The following CRYZL1 variants were observed in gnomAD, a reference collection of about 807,000 sequenced individuals.
CRYZL1 encodes ferry endosomal RAB5 effector complex subunit 4.
A neutral mutation model predicts 50.6 loss-of-function variants in CRYZL1; 34 were observed. That is an observed-to-expected ratio of 0.67 (90% CI 0.51 to 0.89). The LOEUF (loss-of-function observed/expected upper bound fraction) is 0.89, where lower values mean the gene tolerates loss of function less well. Ranked by LOEUF, CRYZL1 falls within the 40% of genes least tolerant of loss-of-function variation. The probability of loss-of-function intolerance (pLI) is 0.00; values close to 1 mark genes in which losing one functional copy is unlikely to be tolerated. For synonymous variants in CRYZL1, 125 were observed against 134.3 expected, an observed-to-expected ratio of 0.93 and a Z score of 0.48; for missense variants, 354 against 402.3, an observed-to-expected ratio of 0.88 and a Z score of 1.03.
intron 6 of CRYZL1, 84 bp downstream of exon 6, chr21:33,613,454 A>T (rs1043057466): frequency 1.1e-6 from 1 of 940,722 alleles, no homozygotes; most frequent in Non-Finnish European, 1.7e-6. Context: ...CTTATGGTAG[A>T]TTCAAAAAAA....
chr21:33,641,463 C>A (rs1373011476), intron 1 of CRYZL1, among the ~76,000 whole-genome samples: 1 of 152,192 alleles, frequency 6.6e-6, no homozygotes, highest in Non-Finnish European at 1.5e-5. Context: ...GACCTACAAT[C>A]AAAACCCGTC....
In CRYZL1 at chr21:33,639,437, T is replaced by G. The variant is rs577323561; in HGVS notation, c.-7+2244A>C. Among the ~76,000 whole-genome samples the G allele has an allele frequency of 2.6e-4, 39 of 152,336 alleles. No homozygotes were observed. The South Asian group carries it at 7.9e-3, about 31-fold the overall frequency. ...CTGGGGAACAAGGGAGCGAACGGTG[T>G]GATGAATGAGTCTTCCCTTTATAAG... On this transcript the variant is annotated intron_variant, in intron 1 of 12. Coordinates refer to ENST00000381554, the MANE Select transcript of CRYZL1 (RefSeq NM_145858.3).
At chr21:33,623,045 A>C (rs2087020528) in intron 3 of CRYZL1, among the ~76,000 whole-genome samples, 2 of 147,616 alleles carry the variant, frequency 1.4e-5, no homozygotes, top group Non-Finnish European at 3.0e-5. Flanking sequence ...GGCTCACTGC[A>C]ACCTCCGCCT....
chr21:33,624,577 T>C (rs2087038520), intron 3 of CRYZL1, 106 bp downstream of exon 3: 2 of 1,504,568 alleles, frequency 1.3e-6, no homozygotes, highest in Non-Finnish European at 1.8e-6. Flanking sequence ...AAAATGAAGA[T>C]GGTAATAAAT....
chr21:33,613,394 A>T (rs2086893346), intron 6 of CRYZL1, 144 bp downstream of exon 6: 4 of 562,064 alleles, frequency 7.1e-6, no homozygotes, highest in Middle Eastern at 3.2e-4. Context: ...ATGACCAGCC[A>T]ACATTTTTTA....
intron 12 of CRYZL1, 36 bp downstream of exon 12, chr21:33,591,126 A>G (rs2086639157): frequency 6.5e-7 from 1 of 1,538,736 alleles, no homozygotes; most frequent in South Asian, 1.1e-5. Flanking sequence ...AAATAGAAAA[A>G]CAAACAAGAA....
chr21:33,603,590 C>T, intron 6 of CRYZL1, 53 bp from the exon 7 acceptor site: 2 of 1,600,406 alleles, frequency 1.2e-6, no homozygotes, highest in Non-Finnish European at 1.7e-6. Context: ...ACAAGTCCTA[C>T]CTCCTGGATC....
At chr21:33,604,839 T>C (rs967534439) in intron 6 of CRYZL1, among the ~76,000 whole-genome samples, 3 of 152,178 alleles carry the variant, frequency 2.0e-5, no homozygotes, top group African/African-American at 2.4e-5. Flanking sequence ...ACACCGTGCA[T>C]GGGTTTTCCT....
intron 1 of CRYZL1, among the ~76,000 whole-genome samples, chr21:33,634,176 T>C (rs1317632025): frequency 1.3e-5 from 2 of 152,212 alleles, no homozygotes; most frequent in Non-Finnish European, 2.9e-5. Flanking sequence ...TGTGTCAATG[T>C]TTTTGTTTGG....
Position 33,595,719 on chromosome 21 carries a change from TA to T in CRYZL1, c.904+11del. Reference sequence around the variant, plus strand: ...TCAAGCCAGAAACTCAATCAGTCGATAAAAAGGATATAAAGATATTTTCCCT... The same window carrying T: ...TCAAGCCAGAAACTCAATCAGTCGATAAAAGGATATAAAGATATTTTCCCT... On this transcript the variant is annotated intron_variant, in intron 11 of 12. Transcript: ENST00000381554. 6.2e-7 allele frequency: 1 copy of T among 1,612,276 alleles called. No homozygotes were observed. The highest frequency in any genetic ancestry group is 1.1e-5 in the South Asian group (1 of 91,028).
chr21:33,589,951 G>A (rs535374663), intron 12 of CRYZL1, 30 bp from the exon 13 acceptor site: 3 of 1,352,754 alleles, frequency 2.2e-6, no homozygotes, highest in African/African-American at 2.9e-5. Context: ...GAAATGTCAG[G>A]TCTAGTTAAA....
chr21:33,599,064 A>T, intron 9 of CRYZL1, 86 bp downstream of exon 9: 1 of 1,192,366 alleles, frequency 8.4e-7, no homozygotes, highest in Non-Finnish European at 1.2e-6. Context: ...TAAGTGCATT[A>T]ATAATTATGC....
At chr21:33,610,995 T>C (rs2086867431) in intron 6 of CRYZL1, among the ~76,000 whole-genome samples, 1 of 152,182 alleles carries the variant, frequency 6.6e-6, no homozygotes, top group African/African-American at 2.4e-5. Flanking sequence ...CCTCCCAAAG[T>C]GCTGGGATTA....
At chr21:33,603,238 C>A (rs1166589981) in intron 7 of CRYZL1, 166 bp downstream of exon 7, 9 of 714,216 alleles carry the variant, frequency 1.3e-5, no homozygotes, top group East Asian at 8.1e-5. Flanking sequence ...TAACTTTGAT[C>A]TTCTATTGAT....
At chr21:33,595,556 T>TA in intron 11 of CRYZL1, 175 bp downstream of exon 11, 1 of 1,283,002 alleles carries the variant, frequency 7.8e-7, no homozygotes. Flanking sequence ...TAACAGTACT[T>TA]ACATCTCAAA....
chr21:33,600,953 T>TTTTTTC (rs2086748830), intron 8 of CRYZL1, among the ~76,000 whole-genome samples: 1 of 134,168 alleles, frequency 7.5e-6, no homozygotes, highest in African/African-American at 2.9e-5. Flanking sequence ...TTTTTTTTTT[T>TTTTTTC]GGGGGCGGAC....
chr21:33,627,268 T>A (rs1306722538), intron 2 of CRYZL1, among the ~76,000 whole-genome samples: 1 of 152,164 alleles, frequency 6.6e-6, no homozygotes, highest in Non-Finnish European at 1.5e-5. Context: ...CATGCCCAGC[T>A]AATTTTTTTG....
Position 33,624,734 on chromosome 21 carries a change from G to A in CRYZL1, c.93C>T (p.Asn31=), listed in dbSNP as rs201409581. ...AAGCTTTAACTTGAAGTTTCACAAA[G>A]TTATCCTCTGTAACAGGAAGATCTT... The part of the protein sequence containing the change: ...EKEDLPVTED[N]FVKLQVKACA... Residue 31 remains asparagine (N), a synonymous_variant, in exon 3 of 13, where the codon AAC becomes AAT. Transcript: ENST00000381554. 1 of 1,595,352 alleles carries A rather than the reference G, an allele frequency of 6.3e-7. No individual in the cohort carries two copies. The highest frequency in any genetic ancestry group is 2.3e-5 in the East Asian group (1 of 44,382).
At position 33,634,356 on chromosome 21, in the gene CRYZL1, C is replaced by T. The variant is rs553893990; in HGVS notation, c.-6-2799G>A. ...CTATCTAGTTAGTATGACTTTACAT[C>T]ATATGGTTACCCCATCTCAGAGCTT... is the stretch of plus-strand genomic sequence containing the variant. On this transcript the variant is annotated intron_variant, in intron 1 of 12. Coordinates refer to ENST00000381554, the MANE Select transcript of CRYZL1 (RefSeq NM_145858.3). Among the ~76,000 whole-genome samples the T allele has an allele frequency of 4.1e-4, 63 of 152,222 alleles. 2 individuals carry two copies. The South Asian group carries it at 0.013, about 31-fold the overall frequency.
Sources: gnomAD v4.1 joint callset for allele counts (sites outside exome capture counted in the v4.1 genomes callset) on GRCh38, gnomAD v4.1.1 for gene constraint, MANE v1.5 for transcripts, NCBI Gene and HGNC (gene_info 2026-07-23, HGNC 2026-07-21) for gene names.